The following CNOT10 variants were observed in gnomAD, a reference collection of about 807,000 sequenced individuals.
The protein encoded by CNOT10 is CCR4-NOT transcription complex subunit 10, also known as CCR4-NOT transcription complex, subunit 10.
In CNOT10, 30 loss-of-function variants were observed where a neutral mutation model predicts 94.6. The ratio of observed to expected loss-of-function variants is 0.32; its 90% CI spans 0.24 to 0.43. The LOEUF is 0.43. CNOT10 is among the 20% of genes least tolerant of loss of function. The pLI is 1.00. For missense variants in CNOT10, 759 were observed against 877.2 expected (o/e 0.87, Z 1.70); for synonymous variants, 289 against 301.6 (o/e 0.96, Z 0.43).
At chr3:32,712,918 A>T (rs986111343) in intron 4 of CNOT10, among the ~76,000 whole-genome samples, 1 of 152,200 alleles carries the variant, frequency 6.6e-6, no homozygotes, top group African/African-American at 2.4e-5. Context: ...CACAACCTCT[A>T]TTGGAATTCA....
At chr3:32,708,326 T>G (rs981838986) in intron 3 of CNOT10, among the ~76,000 whole-genome samples, 1 of 152,140 alleles carries the variant, frequency 6.6e-6, no homozygotes, top group Admixed American at 6.6e-5. Flanking sequence ...CTCTTGTAGG[T>G]TGTGAGACTA....
At chr3:32,760,013 T>A (rs1243446594) in intron 14 of CNOT10, among the ~76,000 whole-genome samples, 1 of 151,938 alleles carries the variant, frequency 6.6e-6, no homozygotes, top group Non-Finnish European at 1.5e-5. Flanking sequence ...AAACCCTGCC[T>A]CTACTAAAAA....
At chr3:32,692,051 CAA>C (rs747328876) in intron 1 of CNOT10, among the ~76,000 whole-genome samples, 73 of 66,388 alleles carry the variant, frequency 1.1e-3, no homozygotes, top group Admixed American at 1.8e-3. Flanking sequence ...ACCCTGTCAC[CAA>C]AAAAAAAAAA....
Position 32,733,476 on chromosome 3 carries a change from T to A in CNOT10, c.1269T>A (p.Ser423=), listed in dbSNP as rs753846223. 5.6e-6 allele frequency: 9 copies of A among 1,604,274 alleles called. No homozygotes were observed. In the South Asian group the frequency reaches 6.6e-5, roughly 12 times the overall value. Residue 423 remains serine, a synonymous_variant, in exon 11 of 19, where the codon TCT becomes TCA. Transcript: ENST00000328834. ...CCAGCAAAAAAGGAATTGTACAGTC[T>A]ATTGTTGGTCAAGGCTATCATCGTA... ...GLPSKKGIVQ[S]IVGQGYHRKI... is the part of the protein sequence containing the mutation.
intron 8 of CNOT10, among the ~76,000 whole-genome samples, chr3:32,720,811 C>G (rs1698340486): frequency 6.6e-6 from 1 of 151,392 alleles, no homozygotes; most frequent in Non-Finnish European, 1.5e-5. Flanking sequence ...TTTCTTTAAC[C>G]TGACTTGCCT....
At chr3:32,722,541 G>T (rs1698469577) in intron 8 of CNOT10, among the ~76,000 whole-genome samples, 1 of 152,316 alleles carries the variant, frequency 6.6e-6, no homozygotes, top group South Asian at 2.1e-4. Flanking sequence ...GCAGGAGCTG[G>T]AAGTGGTGGC....
intron 13 of CNOT10, among the ~76,000 whole-genome samples, chr3:32,754,489 A>AATATATATATATATATATATATATAT (rs1553637888): frequency 1.4e-5 from 1 of 70,220 alleles, no homozygotes; most frequent in African/African-American, 7.7e-5. Context: ...AAAAAAAAAA[A>AATATATATATATATATATATATATAT]ATACATATAT....
At chr3:32,771,599 CAAAT>C (rs1261369530) in intron 18 of CNOT10, among the ~76,000 whole-genome samples, 1 of 151,368 alleles carries the variant, frequency 6.6e-6, no homozygotes, top group Non-Finnish European at 1.5e-5. Flanking sequence ...AACCCTGTCT[CAAAT>C]AATAATAATA....
chr3:32,736,817 T>C (rs1469021238), intron 12 of CNOT10, among the ~76,000 whole-genome samples: 1 of 151,548 alleles, frequency 6.6e-6, no homozygotes, highest in Admixed American at 6.6e-5. Flanking sequence ...GTAATTAGAA[T>C]AATGAGAAAT....
At chr3:32,701,528 CTGGATCATGGGGG>C (rs1299587849) in intron 1 of CNOT10, among the ~76,000 whole-genome samples, 1 of 152,098 alleles carries the variant, frequency 6.6e-6, no homozygotes, top group Non-Finnish European at 1.5e-5. Context: ...TGGGAGGTGA[CTGGATCATGGGGG>C]TGGATTTCCC....
intron 14 of CNOT10, among the ~76,000 whole-genome samples, chr3:32,760,701 C>T (rs543823400): frequency 5.3e-5 from 8 of 152,108 alleles, no homozygotes; most frequent in Admixed American, 6.6e-5. Flanking sequence ...TCAAAAGCCA[C>T]GAGTATTCTG....
chr3:32,753,291 C>T, intron 13 of CNOT10: 2 of 887,782 alleles, frequency 2.3e-6, no homozygotes, highest in Non-Finnish European at 3.8e-6. Flanking sequence ...CAGAATGGCC[C>T]AGAATCTGAT....
intron 14 of CNOT10, among the ~76,000 whole-genome samples, chr3:32,762,426 C>T (rs940586243): frequency 4.6e-5 from 7 of 151,856 alleles, no homozygotes; most frequent in African/African-American, 1.2e-4. Context: ...TATGCCACCA[C>T]GCCCAGCTAA....
intron 10 of CNOT10, among the ~76,000 whole-genome samples, chr3:32,728,201 G>A (rs1698772093): frequency 6.6e-6 from 1 of 151,914 alleles, no homozygotes. Context: ...TCACCATGTT[G>A]CCCAGGCTGG....
At chr3:32,737,591 G>A (rs112350358) in intron 13 of CNOT10, 101 bp downstream of exon 13, 89 of 654,012 alleles carry the variant, frequency 1.4e-4, no homozygotes, top group East Asian at 3.1e-4. Flanking sequence ...TTGGGAGGCC[G>A]AGGCTGGTGG....
At chr3:32,753,133 A>C in intron 13 of CNOT10, 1 of 586,034 alleles carries the variant, frequency 1.7e-6, no homozygotes, top group South Asian at 1.5e-5. Context: ...AATTCAATCC[A>C]AATAATTCCA....
chr3:32,763,435 G>A (rs1700535062), intron 15 of CNOT10, among the ~76,000 whole-genome samples: 2 of 152,120 alleles, frequency 1.3e-5, no homozygotes, highest in South Asian at 4.2e-4. Context: ...TGGATCACCT[G>A]AGGTCAGGAG....
chr3:32,734,792 C>T lies in CNOT10; in HGVS notation c.1338-8C>T. On this transcript the variant is annotated splice_polypyrimidine_tract_variant and splice_region_variant and intron_variant, in intron 11 of 18. Coordinates refer to ENST00000328834, the MANE Select transcript of CNOT10 (RefSeq NM_015442.3). ...TCCACTTAGCTAATTTGGTTTTGTT[C>T]TTTTAAGTGATGGGCAGTCTTCGGC... 3 of 1,567,796 alleles carry T rather than the reference C, an allele frequency of 1.9e-6. No individual in the cohort carries two copies. The highest frequency in any genetic ancestry group is 1.2e-5 in the South Asian group (1 of 84,276).
intron 1 of CNOT10, among the ~76,000 whole-genome samples, chr3:32,692,527 G>A (rs1696894867): frequency 6.6e-6 from 1 of 152,130 alleles, no homozygotes; most frequent in Non-Finnish European, 1.5e-5. Context: ...ATAATGTCAG[G>A]TTATCCAGTA....
Sources: allele counts gnomAD v4.1 joint callset (sites outside exome capture counted in the v4.1 genomes callset), GRCh38; gene constraint gnomAD v4.1.1; transcripts MANE v1.5; gene names NCBI Gene and HGNC (gene_info 2026-07-23, HGNC 2026-07-21).